Variants in ARL17A observed in about 807,000 individuals in gnomAD.
ARL17A encodes ADP-ribosylation factor-like 17-like.
intron 4 of ARL17A, among the ~76,000 whole-genome samples, chr17:46,535,100 C>G (rs887047216): frequency 6.7e-6 from 1 of 148,278 alleles, no homozygotes; most frequent in African/African-American, 2.6e-5. Context: ...TACTCTATTG[C>G]CAGTGCTGGT....
downstream of ARL17A, chr17:46,548,899 G>A (rs768955481): frequency 6.2e-7 from 1 of 1,612,628 alleles, no homozygotes; most frequent in African/African-American, 1.4e-5. Flanking sequence ...CTTCTCCAAG[G>A]GCGCGCCTTC....
At chr17:46,529,449 C>A (rs1485065329) in intron 4 of ARL17A, among the ~76,000 whole-genome samples, 1 of 107,322 alleles carries the variant, frequency 9.3e-6, no homozygotes, top group South Asian at 3.0e-4. Context: ...GTCAGTGCAC[C>A]TTAGTTTAAT....
intron 3 of ARL17A, among the ~76,000 whole-genome samples, chr17:46,558,275 G>C (rs1348470708): frequency 1.8e-5 from 2 of 108,506 alleles, no homozygotes; most frequent in African/African-American, 4.1e-5. Context: ...GGTCAGGCTG[G>C]TCTCGAACTC....
At chr17:46,513,459 CCTT>C, downstream of ARL17A, 1 of 233,162 alleles carries the variant, frequency 4.3e-6, no homozygotes, top group Non-Finnish European at 8.5e-6. Context: ...TTCCACAGCT[CCTT>C]GAGGAAGAAC....
At chr17:46,528,976 T>G (rs1375906996) in intron 4 of ARL17A, 1 of 545,296 alleles carries the variant, frequency 1.8e-6, no homozygotes, top group East Asian at 3.2e-5. Context: ...GGAACCAGTT[T>G]TCCCTGACAG....
the ARL17A span, among the ~76,000 whole-genome samples, chr17:46,502,524 A>G: frequency 6.6e-6 from 1 of 150,584 alleles, no homozygotes; most frequent in Non-Finnish European, 1.5e-5. Flanking sequence ...CTGGTCTCGA[A>G]CTCCTGACCT....
At chr17:46,530,099 C>G (rs1270342043) in intron 4 of ARL17A, among the ~76,000 whole-genome samples, 1 of 143,240 alleles carries the variant, frequency 7.0e-6, no homozygotes, top group African/African-American at 2.5e-5. Context: ...ACTTTGTTAC[C>G]CAGGCTGGTC....
chr17:46,534,256 G>A (rs1330779277), intron 4 of ARL17A, among the ~76,000 whole-genome samples: 1 of 144,510 alleles, frequency 6.9e-6, no homozygotes, highest in African/African-American at 2.8e-5. Context: ...GGGGGATTTG[G>A]CAGGGTCATA....
chr17:46,503,515 CTA>C, the ARL17A span, among the ~76,000 whole-genome samples: 2 of 135,434 alleles, frequency 1.5e-5, no homozygotes, highest in East Asian at 2.2e-4. Context: ...ATAAATTTGA[CTA>C]TTTGTATCAT....
At chr17:46,544,864 G>A (rs1192594181) in intron 3 of ARL17A, among the ~76,000 whole-genome samples, 1 of 132,902 alleles carries the variant, frequency 7.5e-6, no homozygotes, top group Non-Finnish European at 1.6e-5. Context: ...CAAAGATCAG[G>A]CACTGCATGT....
chr17:46,532,132 C>G (rs4968261), intron 4 of ARL17A, among the ~76,000 whole-genome samples: 72,816 of 144,406 alleles, frequency 0.5, 19,639 homozygotes, highest in South Asian at 0.71. Context: ...CTCCTAACCT[C>G]AGATGATCCA....
At chr17:46,544,894 A>G (rs1216075303) in intron 3 of ARL17A, among the ~76,000 whole-genome samples, 2 of 137,818 alleles carry the variant, frequency 1.5e-5, no homozygotes, top group Non-Finnish European at 3.1e-5. Flanking sequence ...ATTTCCTTTA[A>G]TCTAAAACAT....
chr17:46,549,359 A>C, downstream of ARL17A: 1 of 1,587,422 alleles, frequency 6.3e-7, no homozygotes. Flanking sequence ...GAAAACACTA[A>C]CATGCCAGAA....
rs1423485208 is a variant in ARL17A, at chr17:46,556,811, AAGAC to A, written c.*541_*544del. On this transcript the variant is annotated 3_prime_UTR_variant, in exon 4 of 4. Transcript: ENST00000336125. ...TAGAGGCCATTATCCTCAGCAAACT[AAGAC>A]AGGAACAGAAAACCAAATACTGTAT... The A allele has an allele frequency of 2.3e-5, 2 of 87,816 alleles. No homozygotes were observed. Among genetic ancestry groups the A allele is most frequent in the South Asian group, 3.4e-4 (1 of 2,938 alleles). The allele number at this position is 87,816 out of a possible 1,614,324, so 5.4% of individuals were successfully genotyped here. A position where few individuals can be genotyped will look rare whatever the true frequency, so the allele number is the denominator to read the frequency against.
the ARL17A span, among the ~76,000 whole-genome samples, chr17:46,502,838 G>A: frequency 1.3e-5 from 2 of 151,012 alleles, no homozygotes; most frequent in African/African-American, 5.0e-5. Flanking sequence ...GAGCCCTTCT[G>A]AAGTTTCCTA....
At chr17:46,569,299 T>C (rs1455644086) in intron 3 of ARL17A, among the ~76,000 whole-genome samples, 11 of 149,754 alleles carry the variant, frequency 7.3e-5, no homozygotes, top group Non-Finnish European at 1.3e-4. Context: ...AGGTGCTAGA[T>C]ATTAAAGAAT....
chr17:46,534,107 A>C (rs1422235179), intron 4 of ARL17A, among the ~76,000 whole-genome samples: 38 of 142,788 alleles, frequency 2.7e-4, no homozygotes, highest in Non-Finnish European at 4.8e-4. Flanking sequence ...TCCACCTCCC[A>C]GGCTTAAGCA....
At chr17:46,502,785 A>G in the ARL17A span, among the ~76,000 whole-genome samples, 68 of 151,394 alleles carry the variant, frequency 4.5e-4, 7 homozygotes, top group African/African-American at 1.6e-3. Context: ...AACTGTGGCA[A>G]TGTTATCCAA....
rs1213690170 is a variant in ARL17A, at chr17:46,530,299, CAAAA to C, written c.336-1444_336-1441del. Among the ~76,000 whole-genome samples, 90 of 107,878 alleles carry C rather than the reference CAAAA, an allele frequency of 8.3e-4. 1 individual carries two copies. The highest frequency in any genetic ancestry group is 2.7e-3 in the African/African-American group (89 of 33,324). 70.8% of individuals were successfully genotyped at this position (107,878 alleles called of 152,430 possible). A position where few individuals can be genotyped will look rare whatever the true frequency, so the allele number is the denominator to read the frequency against. ...CCAGTGGTCTTACAAGTTTTCATGC[CAAAA>C]AAAATCACGAAGGATATTTAAAGCC... On this transcript the variant is annotated intron_variant, in intron 4 of 4. Transcript: ENST00000329240.
Sources: allele counts gnomAD v4.1 joint callset (sites outside exome capture counted in the v4.1 genomes callset), GRCh38; gene constraint gnomAD v4.1.1; transcripts MANE v1.5; gene names NCBI Gene and HGNC (gene_info 2026-07-23, HGNC 2026-07-21).